KCNIP4: variants seen among roughly 807,000 people sequenced by gnomAD.
KCNIP4 encodes the protein potassium voltage-gated channel interacting protein 4.
Under a neutral mutation model 34.0 loss-of-function variants are expected in KCNIP4, and 12 were observed. The observed-to-expected ratio is 0.35, with a 90% CI of 0.23 to 0.57. The LOEUF is 0.57. Ranked by LOEUF, KCNIP4 falls within the 20% of genes least tolerant of loss-of-function variation. The pLI is 0.83. For synonymous variants in KCNIP4, 124 were observed against 102.2 expected (o/e 1.21, Z -1.29); for missense variants, 238 against 311.7 (o/e 0.76, Z 1.78).
At chr4:21,446,803 C>G (rs1728048724) in intron 1 of KCNIP4, among the ~76,000 whole-genome samples, 1 of 151,984 alleles carries the variant, frequency 6.6e-6, no homozygotes, top group South Asian at 2.1e-4. Context: ...AAACTTATTT[C>G]TTTCACTTAG....
intron 1 of KCNIP4, among the ~76,000 whole-genome samples, chr4:20,954,725 C>G (rs1031166973): frequency 4.6e-5 from 7 of 152,248 alleles, no homozygotes; most frequent in African/African-American, 1.4e-4. Flanking sequence ...TGGGCCCAGG[C>G]GCATCCTCAA....
chr4:21,782,723 C>T (rs1010313694), intron 1 of KCNIP4, among the ~76,000 whole-genome samples: 1 of 152,020 alleles, frequency 6.6e-6, no homozygotes, highest in Non-Finnish European at 1.5e-5. Flanking sequence ...TACACAATTG[C>T]TTATAGTAAC....
intron 1 of KCNIP4, among the ~76,000 whole-genome samples, chr4:20,920,023 T>A (rs1729237564): frequency 6.6e-6 from 1 of 152,162 alleles, no homozygotes; most frequent in African/African-American, 2.4e-5. Flanking sequence ...CTCTAGGCCA[T>A]TTGAAATGAG....
At chr4:21,306,152 G>A (rs1290261659) in intron 1 of KCNIP4, among the ~76,000 whole-genome samples, 3 of 152,222 alleles carry the variant, frequency 2.0e-5, no homozygotes, top group Non-Finnish European at 4.4e-5. Context: ...ATTTGCAGGT[G>A]TAACACTAGC....
chr4:21,913,479 C>CA (rs962414442), intron 1 of KCNIP4, among the ~76,000 whole-genome samples: 24 of 152,026 alleles, frequency 1.6e-4, no homozygotes, highest in African/African-American at 5.5e-4. Flanking sequence ...GTGGCCTTCA[C>CA]AAGCAACCTC....
chr4:20,974,101 G>A lies in KCNIP4; in HGVS notation c.62-91392C>T, dbSNP rs186235047. Among the ~76,000 whole-genome samples, 12 of 152,294 alleles carry A rather than the reference G, an allele frequency of 7.9e-5. No homozygotes were observed. In the East Asian group the frequency reaches 2.3e-3, roughly 29 times the overall value. On this transcript the variant is annotated intron_variant, in intron 1 of 8. Transcript: ENST00000382152. ...CAGGGTTGCCACAAGCCTTCGCTTT[G>A]TAAAAAGCCCATTATCTGCAAAGCA... is the stretch of plus-strand genomic sequence containing the variant.
intron 1 of KCNIP4, among the ~76,000 whole-genome samples, chr4:21,448,986 A>G (rs1374242675): frequency 1.3e-5 from 2 of 152,242 alleles, no homozygotes; most frequent in East Asian, 1.9e-4. Context: ...ACAGGCAGGA[A>G]ACAGGCTGAA....
intron 1 of KCNIP4, among the ~76,000 whole-genome samples, chr4:21,342,509 C>T (rs1351052051): frequency 6.6e-6 from 1 of 152,108 alleles, no homozygotes; most frequent in African/African-American, 2.4e-5. Context: ...CAGCTACTCA[C>T]TGCTGGAGTT....
Position 21,159,680 on chromosome 4 carries a change from T to C in KCNIP4, c.62-276971A>G, listed in dbSNP as rs546479294. 8.1e-4 allele frequency among the ~76,000 whole-genome samples: 13 copies of C among 16,094 alleles called. No homozygotes were observed. The East Asian group carries it at 0.011, about 14-fold the overall frequency. 10.6% of individuals were successfully genotyped at this position (16,094 alleles called of 152,430 possible). The stretch of plus-strand genomic sequence containing the variant: ...AAATCGGGTCACTCCCACCCGAATA[T>C]TGCGCTTTTCAGACCGGCTTAAGAA... On this transcript the variant is annotated intron_variant, in intron 1 of 8. Transcript: ENST00000382152.
chr4:20,920,902 T>A (rs1290552359), intron 1 of KCNIP4, among the ~76,000 whole-genome samples: 1 of 152,118 alleles, frequency 6.6e-6, no homozygotes, highest in Non-Finnish European at 1.5e-5. Flanking sequence ...GGCAGGAGAA[T>A]TGCTTGAACC....
intron 1 of KCNIP4, among the ~76,000 whole-genome samples, chr4:21,292,043 A>G (rs1448725512): frequency 1.3e-5 from 2 of 152,256 alleles, no homozygotes; most frequent in African/African-American, 2.4e-5. Flanking sequence ...GTGAAGGCAC[A>G]GTATATAAAC....
At chr4:20,809,345 T>C (rs1715449667) in intron 3 of KCNIP4, among the ~76,000 whole-genome samples, 1 of 152,194 alleles carries the variant, frequency 6.6e-6, no homozygotes, top group African/African-American at 2.4e-5. Context: ...AGGGTTGGGA[T>C]GGTAGAATAT....
intron 3 of KCNIP4, among the ~76,000 whole-genome samples, chr4:20,770,037 T>C (rs771837243): frequency 9.9e-5 from 15 of 152,174 alleles, no homozygotes; most frequent in Non-Finnish European, 1.5e-4. Context: ...TAGTATTTGA[T>C]TGGATAACCA....
chr4:21,369,778 G>A (rs1578137793), intron 1 of KCNIP4, among the ~76,000 whole-genome samples: 1 of 144,900 alleles, frequency 6.9e-6, no homozygotes, highest in East Asian at 2.0e-4. Flanking sequence ...TTGGAGTCAT[G>A]CATTTAAGAA....
At chr4:20,875,486 T>A (rs1019045109) in intron 2 of KCNIP4, among the ~76,000 whole-genome samples, 2 of 152,246 alleles carry the variant, frequency 1.3e-5, no homozygotes, top group Non-Finnish European at 2.9e-5. Flanking sequence ...TCTAAATGTT[T>A]GTTAAATAGA....
At chr4:21,599,380 A>C (rs1021675952) in intron 1 of KCNIP4, among the ~76,000 whole-genome samples, 2 of 151,968 alleles carry the variant, frequency 1.3e-5, no homozygotes, top group African/African-American at 4.8e-5. Flanking sequence ...TAGTACTATA[A>C]TTTCAGAATT....
intron 1 of KCNIP4, among the ~76,000 whole-genome samples, chr4:21,470,922 G>A (rs796806147): frequency 3.9e-5 from 6 of 152,254 alleles, no homozygotes; most frequent in African/African-American, 1.4e-4. Flanking sequence ...CAGCCAGGAT[G>A]GGGCATTAAT....
rs1441329557 is a variant in KCNIP4, at chr4:21,200,233, A to G, written c.62-317524T>C. ...GCATATTTTTATCACAACACGATTC[A>G]CAATTGCAAAGATAAGGAATCAACT... On this transcript the variant is annotated intron_variant, in intron 1 of 8. Transcript: ENST00000382152. Among the ~76,000 whole-genome samples, 3 of 151,856 alleles carry G rather than the reference A, an allele frequency of 2.0e-5. No individual in the cohort carries two copies. In the East Asian group the frequency reaches 5.8e-4, roughly 29 times the overall value.
At chr4:21,668,742 C>T (rs1279844539) in intron 1 of KCNIP4, among the ~76,000 whole-genome samples, 1 of 151,998 alleles carries the variant, frequency 6.6e-6, no homozygotes, top group African/African-American at 2.4e-5. Context: ...ATTTCAGTTT[C>T]TCTATGTTTT....
Sources: gnomAD v4.1 joint callset for allele counts (sites outside exome capture counted in the v4.1 genomes callset) on GRCh38, gnomAD v4.1.1 for gene constraint, MANE v1.5 for transcripts, NCBI Gene and HGNC (gene_info 2026-07-23, HGNC 2026-07-21) for gene names.